Variants in RSPO1 observed in about 807,000 individuals in gnomAD.
RSPO1 encodes the protein R-spondin-1.
RSPO1 carries 18 observed loss-of-function variants against 26.0 expected under a neutral mutation model. The observed-to-expected ratio is 0.69, with a 90% CI of 0.48 to 1.03. RSPO1 has a LOEUF of 1.03. RSPO1 is among the 50% of genes least tolerant of loss of function. The pLI is 0.00. For missense variants in RSPO1, 309 were observed against 352.3 expected, an observed-to-expected ratio of 0.88 and a Z score of 0.98; for synonymous variants, 133 against 137.4, an observed-to-expected ratio of 0.97 and a Z score of 0.22.
chr1:37,619,035 G>A (rs1644160406), intron 3 of RSPO1, among the ~76,000 whole-genome samples: 1 of 152,100 alleles, frequency 6.6e-6, no homozygotes, highest in Non-Finnish European at 1.5e-5. Flanking sequence ...CAGCCTGGCT[G>A]ACATGGCAAA....
intron 3 of RSPO1, among the ~76,000 whole-genome samples, chr1:37,619,277 C>A (rs868173947): frequency 3.0e-4 from 45 of 152,272 alleles, no homozygotes; most frequent in African/African-American, 1.0e-3. Flanking sequence ...GCTGCAGATA[C>A]AGGCAGAAGG....
chr1:37,625,537 T>A (rs911769677), intron 3 of RSPO1, among the ~76,000 whole-genome samples: 1 of 152,080 alleles, frequency 6.6e-6, no homozygotes, highest in Non-Finnish European at 1.5e-5. Context: ...TAGTGGGGCC[T>A]CAGCCAGGAG....
Position 37,612,501 on chromosome 1 carries a change from TG to T in RSPO1, c.*253del. The T allele has an allele frequency of 2.3e-6, 1 of 432,608 alleles. No individual in the cohort carries two copies. The highest frequency in any genetic ancestry group is 4.2e-6 in the Non-Finnish European group (1 of 236,144). 26.8% of individuals were successfully genotyped at this position (432,608 alleles called of 1,614,324 possible). A position where few individuals can be genotyped will look rare whatever the true frequency, so the allele number is the denominator to read the frequency against. On this transcript the variant is annotated 3_prime_UTR_variant, in exon 7 of 7. Transcript: ENST00000356545. ...GGAAGTGTCTTCTGGTGGCCTCAGG[TG>T]TGTGTGTGTGTGTGTGTGTATGTGT...
rs1002789091 is a variant in RSPO1 at position 37,629,820 on chromosome 1, G to C, written c.-159C>G. On this transcript the variant is annotated 5_prime_UTR_variant, in exon 3 of 7. Transcript: ENST00000356545. ...CCATAATCTCAGCTGGGGACAGAGAGGGTGTGGGGAGCCCAGTTCTCCATC... is the reference window on the plus strand; with the variant it reads ...CCATAATCTCAGCTGGGGACAGAGACGGTGTGGGGAGCCCAGTTCTCCATC... The C allele has an allele frequency of 1.3e-6, 2 of 1,550,900 alleles. No individual in the cohort carries two copies. Among genetic ancestry groups the C allele is most frequent in the Non-Finnish European group, 1.7e-6 (2 of 1,146,702 alleles).
intron 3 of RSPO1, among the ~76,000 whole-genome samples, chr1:37,624,801 A>T (rs980927790): frequency 1.3e-5 from 2 of 152,114 alleles, no homozygotes; most frequent in African/African-American, 2.4e-5. Context: ...GCTCCCTATC[A>T]CCTACAGAAT....
At chr1:37,618,359 G>C (rs970860740) in intron 3 of RSPO1, among the ~76,000 whole-genome samples, 1 of 152,162 alleles carries the variant, frequency 6.6e-6, no homozygotes, top group Non-Finnish European at 1.5e-5. Context: ...CTCTGAGGGG[G>C]GACAGAGTGA....
chr1:37,618,192 T>C (rs1257870077), intron 3 of RSPO1, among the ~76,000 whole-genome samples: 2 of 152,192 alleles, frequency 1.3e-5, no homozygotes, highest in East Asian at 3.8e-4. Flanking sequence ...CCAAAAAGTA[T>C]TCCTTACAAC....
rs1644330797 is a variant in RSPO1, at chr1:37,629,830, A to G, written c.-169T>C. The G allele has an allele frequency of 1.3e-6, 2 of 1,550,952 alleles. No homozygotes were observed. The highest frequency in any genetic ancestry group is 1.2e-5 in the South Asian group (1 of 84,034). On this transcript the variant is annotated 5_prime_UTR_variant, in exon 3 of 7. Coordinates refer to ENST00000356545, the MANE Select transcript of RSPO1 (RefSeq NM_001242908.2). ...AGCTGGGGACAGAGAGGGTGTGGGGAGCCCAGTTCTCCATCAGCTCAAAGG... is the reference window on the plus strand; with the variant it reads ...AGCTGGGGACAGAGAGGGTGTGGGGGGCCCAGTTCTCCATCAGCTCAAAGG...
At chr1:37,630,562 G>A (rs1644344088) in intron 2 of RSPO1, among the ~76,000 whole-genome samples, 1 of 152,214 alleles carries the variant, frequency 6.6e-6, no homozygotes, top group African/African-American at 2.4e-5. Context: ...GATAAAAGAG[G>A]CAGCAATGCC....
intron 3 of RSPO1, among the ~76,000 whole-genome samples, chr1:37,620,248 C>T (rs1176427359): frequency 6.6e-6 from 1 of 152,114 alleles, no homozygotes; most frequent in Non-Finnish European, 1.5e-5. Flanking sequence ...TGTGGTGGCT[C>T]ATGCCTGTAA....
At chr1:37,625,543 A>T (rs1400503045) in intron 3 of RSPO1, among the ~76,000 whole-genome samples, 1 of 152,158 alleles carries the variant, frequency 6.6e-6, no homozygotes, top group Non-Finnish European at 1.5e-5. Context: ...GGCCTCAGCC[A>T]GGAGACTGAG....
intron 3 of RSPO1, among the ~76,000 whole-genome samples, chr1:37,625,399 T>C (rs1644260880): frequency 6.6e-6 from 1 of 152,072 alleles, no homozygotes; most frequent in African/African-American, 2.4e-5. Flanking sequence ...TTAGGGACAG[T>C]GGTGGGTGGA....
At position 37,613,894 on chromosome 1, in the gene RSPO1, T is replaced by G; in HGVS notation, c.437-2A>C. The G allele has an allele frequency of 6.2e-7, 1 of 1,613,924 alleles. No individual in the cohort carries two copies. Among genetic ancestry groups the G allele is most frequent in the African/African-American group, 1.3e-5 (1 of 75,022 alleles). ...ACCACTCGCTCATTTCACATTGCGC[T>G]GGCAGGAAGAGAAGGGAAGGGAGAG... On this transcript the variant is annotated splice_acceptor_variant, in intron 5 of 6. Coordinates refer to ENST00000356545, the MANE Select transcript of RSPO1 (RefSeq NM_001242908.2). LOFTEE classifies it high-confidence loss of function. This position sits in a 1 kb window ranked among gnomAD's most constrained non-coding sequence, Gnocchi z 4.5.
At position 37,628,960 on chromosome 1, in the gene RSPO1, C is replaced by A. The variant is rs116441182; in HGVS notation, c.94+608G>T. Among the ~76,000 whole-genome samples the A allele has an allele frequency of 4.0e-3, 606 of 152,342 alleles. 5 individuals carry two copies. Among genetic ancestry groups the A allele is most frequent in the African/African-American group, 0.014 (580 of 41,568 alleles). On this transcript the variant is annotated intron_variant, in intron 3 of 6. Coordinates refer to ENST00000356545, the MANE Select transcript of RSPO1 (RefSeq NM_001242908.2). ...AAAGTGAGACTGCTCTGGTTTGAAG[C>A]GTGGTCGGGCCAGACCCCTGCCTGC... is the stretch of plus-strand genomic sequence containing the variant.
chr1:37,621,992 G>A (rs1185380242), intron 3 of RSPO1, among the ~76,000 whole-genome samples: 1 of 151,858 alleles, frequency 6.6e-6, no homozygotes, highest in Admixed American at 6.6e-5. Context: ...TCTTAACATC[G>A]AACAGTCATC....
chr1:37,624,073 T>A (rs1004986470), intron 3 of RSPO1, among the ~76,000 whole-genome samples: 2 of 152,092 alleles, frequency 1.3e-5, no homozygotes, highest in African/African-American at 4.8e-5. Flanking sequence ...CTTTATATAT[T>A]CTCTTGGTGA....
Position 37,616,569 on chromosome 1 carries a change from G to C in RSPO1, c.201C>G (p.Asn67Lys). ...SPKLFILLER[N>K]DIRQVGVCLP... Reference sequence around the variant, plus strand: ...AGCAGACGCCCACCTGGCGGATGTCGTTCCTCTCCAGCAGGATGAACAGCT... The same window carrying C: ...AGCAGACGCCCACCTGGCGGATGTCCTTCCTCTCCAGCAGGATGAACAGCT... Residue 67 changes from asparagine (N) to lysine (K), a missense_variant, in exon 4 of 7, where the codon AAC becomes AAG. Physicochemically the swap from Asn to Lys is moderately conservative, Grantham distance 94. Coordinates refer to ENST00000356545, the MANE Select transcript of RSPO1 (RefSeq NM_001242908.2). 1.9e-6 allele frequency: 3 copies of C among 1,614,170 alleles called. No individual in the cohort carries two copies. Among genetic ancestry groups the C allele is most frequent in the Non-Finnish European group, 2.5e-6 (3 of 1,180,032 alleles).
In RSPO1 at chr1:37,632,339, A is replaced by C. The variant is rs1644370641; in HGVS notation, c.-341T>G. Reference sequence around the variant, plus strand: ...GCCCACTCCCACCTGAATCACCAGGAAACCACAATCTCAGCTGGAAAATCG... The same window carrying C: ...GCCCACTCCCACCTGAATCACCAGGCAACCACAATCTCAGCTGGAAAATCG... On this transcript the variant is annotated 5_prime_UTR_variant, in exon 2 of 7. Transcript: ENST00000356545. 1 of 152,270 alleles carries C rather than the reference A, an allele frequency of 6.6e-6. No homozygotes were observed. Among genetic ancestry groups the C allele is most frequent in the Non-Finnish European group, 1.5e-5 (1 of 68,064 alleles). 9.4% of individuals were successfully genotyped at this position (152,270 alleles called of 1,614,324 possible). A position where few individuals can be genotyped will look rare whatever the true frequency, so the allele number is the denominator to read the frequency against.
At chr1:37,629,526 A>G in intron 3 of RSPO1, 42 bp downstream of exon 3, 1 of 1,587,258 alleles carries the variant, frequency 6.3e-7, no homozygotes, top group Middle Eastern at 1.7e-4. Context: ...GCCCCCTCCC[A>G]TTCCCAAGGC....
Sources: allele counts gnomAD v4.1 joint callset (sites outside exome capture counted in the v4.1 genomes callset), GRCh38; gene constraint gnomAD v4.1.1; non-coding constraint Gnocchi (gnomAD v3.1); transcripts MANE v1.5; gene names NCBI Gene and HGNC (gene_info 2026-07-23, HGNC 2026-07-21).